The following NDFIP1 variants were observed in gnomAD, a reference collection of about 807,000 sequenced individuals.
NDFIP1 encodes the protein Nedd4 family interacting protein 1.
In NDFIP1, 7 loss-of-function variants were observed where a neutral mutation model predicts 28.8. That is an observed-to-expected ratio of 0.24 (90% CI 0.14 to 0.46). The LOEUF (loss-of-function observed/expected upper bound fraction) is 0.46, where lower values mean the gene tolerates loss of function less well. Among genes scored for constraint, NDFIP1 ranks in the 20% least tolerant of loss-of-function variants. The pLI is 0.99. For missense variants in NDFIP1, 194 were observed against 269.1 expected (o/e 0.72, Z 1.95); for synonymous variants, 92 against 101.0 (o/e 0.91, Z 0.53).
Position 142,108,994 on chromosome 5 carries a change from C to T in NDFIP1, c.20C>T (p.Ala7Val), listed in dbSNP as rs1277315596. Residue 7 changes from alanine to valine, a missense_variant, in exon 1 of 8, where the codon GCG (alanine) becomes GTG (valine). Transcript: ENST00000253814. ...TGCGCCATGGCGTTGGCGTTGGCGGCGCTGGCGGCGGTCGAGCCGGCCTGC... is the reference window on the plus strand; with the variant it reads ...TGCGCCATGGCGTTGGCGTTGGCGGTGCTGGCGGCGGTCGAGCCGGCCTGC... Reference protein sequence around the residue: MALALAALAAVEPACGS... With the variant: MALALAVLAAVEPACGS... 5 of 1,444,466 alleles carry T rather than the reference C, an allele frequency of 3.5e-6. No individual in the cohort carries two copies. The highest frequency in any genetic ancestry group is 3.0e-5 in the African/African-American group (2 of 67,674). 89.5% of individuals were successfully genotyped at this position (1,444,466 alleles called of 1,614,324 possible). A position where few individuals can be genotyped will look rare whatever the true frequency, so the allele number is the denominator to read the frequency against.
rs1757235139 is a variant in NDFIP1, at chr5:142,132,247, A to C, written c.187A>C (p.Lys63Gln). Residue 63 changes from lysine to glutamine, a missense_variant, in exon 3 of 8, where the codon AAG (lysine) becomes CAG (glutamine). By Grantham distance (53) the Lys-to-Gln change is moderately conservative (BLOSUM62 1). Coordinates refer to ENST00000253814, the MANE Select transcript of NDFIP1 (RefSeq NM_030571.4). ...CTACAAGGATGAGTCTGGGTTTCCA[A>C]AGCCCCCATCTTACAATGTAGCTAC... Reference protein sequence around the residue: ...FDYKDESGFPKPPSYNVATTL... With the variant: ...FDYKDESGFPQPPSYNVATTL... The C allele has an allele frequency of 6.2e-7, 1 of 1,613,940 alleles. No homozygotes were observed. Among genetic ancestry groups the C allele is most frequent in the Non-Finnish European group, 8.5e-7 (1 of 1,179,984 alleles).
chr5:142,124,855 C>T (rs985881922), intron 1 of NDFIP1, among the ~76,000 whole-genome samples: 7 of 151,154 alleles, frequency 4.6e-5, no homozygotes, highest in African/African-American at 9.7e-5. Flanking sequence ...GACGGAGTCT[C>T]GCCTCTGTCG....
At chr5:142,121,947 G>C (rs1757126437) in intron 1 of NDFIP1, among the ~76,000 whole-genome samples, 1 of 152,212 alleles carries the variant, frequency 6.6e-6, no homozygotes, top group Non-Finnish European at 1.5e-5. Context: ...GGTGAACGCA[G>C]TGATAAACCA....
chr5:142,130,694 T>TC (rs1339779743), intron 1 of NDFIP1, among the ~76,000 whole-genome samples: 1 of 78,346 alleles, frequency 1.3e-5, no homozygotes. Flanking sequence ...ATCCTGTCTC[T>TC]CCAAAAAAAA....
intron 1 of NDFIP1, among the ~76,000 whole-genome samples, chr5:142,111,421 A>G (rs1012336196): frequency 1.3e-5 from 2 of 152,088 alleles, no homozygotes; most frequent in Non-Finnish European, 1.5e-5. Context: ...AGTTTTTTTC[A>G]TTGAAATTTA....
At chr5:142,139,550 C>T (rs562731768) in intron 5 of NDFIP1, among the ~76,000 whole-genome samples, 2 of 152,178 alleles carry the variant, frequency 1.3e-5, no homozygotes, top group Non-Finnish European at 2.9e-5. Flanking sequence ...AAAAAATTTT[C>T]TACCACCTTT....
intron 1 of NDFIP1, among the ~76,000 whole-genome samples, chr5:142,123,009 CTG>C (rs1329330025): frequency 6.6e-6 from 1 of 152,184 alleles, no homozygotes; most frequent in Non-Finnish European, 1.5e-5. Context: ...GTTGCCCAGG[CTG>C]GAGTGCAGTG....
At chr5:142,145,620 A>G (rs1283337561) in intron 7 of NDFIP1, among the ~76,000 whole-genome samples, 5 of 152,118 alleles carry the variant, frequency 3.3e-5, no homozygotes, top group African/African-American at 1.2e-4. Context: ...GAATTTCAGA[A>G]TCATCTGAGG....
intron 1 of NDFIP1, among the ~76,000 whole-genome samples, chr5:142,119,367 G>A (rs1596783334): frequency 6.6e-6 from 1 of 152,206 alleles, no homozygotes; most frequent in Admixed American, 6.5e-5. Flanking sequence ...CAAAGCATAT[G>A]TACAGTTCCT....
intron 7 of NDFIP1, among the ~76,000 whole-genome samples, chr5:142,150,766 G>A (rs1449970544): frequency 1.3e-5 from 2 of 151,660 alleles, no homozygotes; most frequent in Non-Finnish European, 2.9e-5. Context: ...ACATAGAAGA[G>A]TTTCTTGTGG....
At chr5:142,138,984 G>A (rs970906145) in intron 5 of NDFIP1, among the ~76,000 whole-genome samples, 2 of 151,350 alleles carry the variant, frequency 1.3e-5, no homozygotes, top group African/African-American at 4.9e-5. Context: ...TTGGGAGGCC[G>A]AGGCGGACAG....
rs1757463761 is a variant in NDFIP1, at chr5:142,153,018, G to T, written c.*1290G>T. 6.0e-6 allele frequency: 2 copies of T among 335,258 alleles called. No individual in the cohort carries two copies. The highest frequency in any genetic ancestry group is 1.2e-5 in the Non-Finnish European group (2 of 171,404). The allele number at this position is 335,258 out of a possible 1,614,324, so 20.8% of individuals were successfully genotyped here. A position where few individuals can be genotyped will look rare whatever the true frequency, so the allele number is the denominator to read the frequency against. On this transcript the variant is annotated 3_prime_UTR_variant, in exon 8 of 8. Coordinates refer to ENST00000253814, the MANE Select transcript of NDFIP1 (RefSeq NM_030571.4). ...TAAAAAAGTAGAGAGGAGTTGTAGA[G>T]ATCTTAAATCATTCTGGAATTCCTA...
intron 5 of NDFIP1, among the ~76,000 whole-genome samples, chr5:142,140,068 T>C (rs1332714674): frequency 1.3e-5 from 2 of 152,220 alleles, no homozygotes; most frequent in Non-Finnish European, 2.9e-5. Flanking sequence ...TTTGCATTTA[T>C]TGTAACCATT....
chr5:142,118,291 C>T lies in NDFIP1; in HGVS notation c.63+9254C>T, dbSNP rs1006023020. On this transcript the variant is annotated intron_variant, in intron 1 of 7. Transcript: ENST00000253814. ...ATAATGTGGTAATGTTACATTTAGT[C>T]GTCCTGTCTCCTTAGGCTCTTCTTG... 3.3e-5 allele frequency among the ~76,000 whole-genome samples: 5 copies of T among 152,146 alleles called. No individual in the cohort carries two copies. In the South Asian group the frequency reaches 6.2e-4, roughly 19 times the overall value.
Position 142,114,507 on chromosome 5 carries a change from G to A in NDFIP1, c.63+5470G>A, listed in dbSNP as rs74667524. ...CAAACACATACAATAATAAAGTAGT[G>A]TAAGAAATTTTATGTACCATCACCC... On this transcript the variant is annotated intron_variant, in intron 1 of 7. Transcript: ENST00000253814. 7.9e-3 allele frequency among the ~76,000 whole-genome samples: 1,203 copies of A among 152,272 alleles called. 20 individuals carry two copies. The highest frequency in any genetic ancestry group is 0.028 in the African/African-American group (1,143 of 41,536).
At position 142,108,915 on chromosome 5, in the gene NDFIP1, C is replaced by T; in HGVS notation, c.-60C>T. 7.4e-7 allele frequency: 1 copy of T among 1,343,274 alleles called. No homozygotes were observed. Among genetic ancestry groups the T allele is most frequent in the Non-Finnish European group, 9.6e-7 (1 of 1,042,468 alleles). The allele number at this position is 1,343,274 out of a possible 1,614,324, so 83.2% of individuals were successfully genotyped here. A position where few individuals can be genotyped will look rare whatever the true frequency, so the allele number is the denominator to read the frequency against. On this transcript the variant is annotated 5_prime_UTR_variant, in exon 1 of 8. Transcript: ENST00000253814. ...GCCTCCCAGCGCTCCCAAGCCGCAG[C>T]GGCCGCGCCCCTTCAGCTAGCTCGC... is the stretch of plus-strand genomic sequence containing the variant.
chr5:142,111,613 T>A (rs186775013), intron 1 of NDFIP1, among the ~76,000 whole-genome samples: 11 of 152,362 alleles, frequency 7.2e-5, no homozygotes, highest in African/African-American at 2.6e-4. Flanking sequence ...TTCTATTTGA[T>A]CTGGTTAATC....
intron 7 of NDFIP1, among the ~76,000 whole-genome samples, chr5:142,146,600 A>T (rs2126923756): frequency 6.6e-6 from 1 of 152,268 alleles, no homozygotes; most frequent in South Asian, 2.1e-4. Context: ...GAGGGGACAG[A>T]TTTCTTTCTC....
At chr5:142,134,898 C>T (rs1006280702) in intron 3 of NDFIP1, among the ~76,000 whole-genome samples, 6 of 152,120 alleles carry the variant, frequency 3.9e-5, no homozygotes, top group African/African-American at 1.4e-4. Flanking sequence ...GAGCAGTGGG[C>T]AGTTCTGTGG....
Sources: allele counts gnomAD v4.1 joint callset (sites outside exome capture counted in the v4.1 genomes callset), GRCh38; gene constraint gnomAD v4.1.1; transcripts MANE v1.5; gene names NCBI Gene and HGNC (gene_info 2026-07-23, HGNC 2026-07-21).